ATP13A5: variants seen among roughly 807,000 people sequenced by gnomAD.
The protein encoded by ATP13A5 is probable cation-transporting ATPase 13A5.
In ATP13A5, 149 loss-of-function variants were observed where a neutral mutation model predicts 150.2. That is an observed-to-expected ratio of 0.99 (90% CI 0.87 to 1.14). The LOEUF (loss-of-function observed/expected upper bound fraction) is 1.14, where lower values mean the gene tolerates loss of function less well. Ranked by LOEUF, ATP13A5 falls within the 50% of genes most tolerant of loss-of-function variation. The pLI, the probability that ATP13A5 is intolerant of heterozygous loss-of-function variation, is 0.00. For synonymous variants in ATP13A5, 497 were observed against 522.2 expected, an observed-to-expected ratio of 0.95 and a Z score of 0.66; for missense variants, 1,383 against 1,449.3, an observed-to-expected ratio of 0.95 and a Z score of 0.74.
At position 193,345,051 on chromosome 3, in the gene ATP13A5, C is replaced by T. The variant is rs779044454; in HGVS notation, c.766G>A (p.Val256Met). ...ACCTGGACTTTGTTGTGGTCCTCCA[C>T]GAGGTTATGCAGCTTAACTGATTGC... The part of the protein sequence containing the change: ...RQQSVKLHNL[V>M]EDHNKVQVTI... The change falls in exon 8 of 30, where the codon GTG (valine) becomes ATG (methionine). Residue 256 changes from valine to methionine, a missense_variant. Around this residue, in one of 3 missense-constraint regions of ATP13A5, gnomAD observed 787 missense variants for 771.9 expected, o/e 1.02. Transcript: ENST00000342358. 21 of 1,613,682 alleles carry T rather than the reference C, an allele frequency of 1.3e-5. No homozygotes were observed. The highest frequency in any genetic ancestry group is 1.7e-4 in the Middle Eastern group (1 of 6,058).
In ATP13A5 at chr3:193,275,089, T is replaced by A. The variant is rs7428010; in HGVS notation, c.3610A>T (p.Lys1204Ter). ...SHEQIPKRKL[K>*]LGGQPTEQHF... is the part of the protein sequence containing the mutation. ...TGTTCTGTGGGTTGGCCTCCCAATT[T>A]GAGTTTTCTTTTTGGAATCTGTTCA... Residue 1204 changes from lysine to a stop codon, truncating the protein, a stop_gained, in exon 30 of 30, where the codon AAA becomes TAA. Transcript: ENST00000342358. LOFTEE classifies it high-confidence loss of function. The A allele has an allele frequency of 6.2e-7, 1 of 1,614,218 alleles. No homozygotes were observed.
chr3:193,353,673 C>T (rs937123673), intron 6 of ATP13A5, among the ~76,000 whole-genome samples: 13 of 152,194 alleles, frequency 8.5e-5, no homozygotes, highest in African/African-American at 3.1e-4. Flanking sequence ...CCAGACCTCT[C>T]TCTCCACCAT....
chr3:193,304,977 C>A (rs896222954), intron 23 of ATP13A5, among the ~76,000 whole-genome samples: 1 of 151,398 alleles, frequency 6.6e-6, no homozygotes, highest in Admixed American at 6.6e-5. Flanking sequence ...AACTCCCTCA[C>A]TATCATGAGA....
intron 1 of ATP13A5, among the ~76,000 whole-genome samples, chr3:193,376,572 A>G (rs1713652291): frequency 6.6e-6 from 1 of 152,100 alleles, no homozygotes; most frequent in Non-Finnish European, 1.5e-5. Context: ...GTACATGCGC[A>G]GGATGTGCAG....
chr3:193,371,387 A>C (rs563584086), intron 1 of ATP13A5, among the ~76,000 whole-genome samples: 1 of 152,314 alleles, frequency 6.6e-6, no homozygotes, highest in East Asian at 1.9e-4. Flanking sequence ...ATGGTGTATT[A>C]GTTTTCTGTT....
At chr3:193,377,704 G>T (rs1198676674) in intron 1 of ATP13A5, among the ~76,000 whole-genome samples, 2 of 152,200 alleles carry the variant, frequency 1.3e-5, no homozygotes, top group African/African-American at 4.8e-5. Flanking sequence ...CAGGATGCCA[G>T]CCAGGAAACT....
intron 16 of ATP13A5, among the ~76,000 whole-genome samples, chr3:193,319,551 G>A (rs534472342): frequency 7.2e-5 from 11 of 152,328 alleles, no homozygotes; most frequent in South Asian, 4.1e-4. Context: ...CGGGAACCAC[G>A]TTGGGCAACA....
In ATP13A5 at chr3:193,285,046, C is replaced by T; in HGVS notation, c.3094G>A (p.Ala1032Thr). 1 of 1,614,054 alleles carries T rather than the reference C, an allele frequency of 6.2e-7. No homozygotes were observed. Among genetic ancestry groups the T allele is most frequent in the Non-Finnish European group, 8.5e-7 (1 of 1,179,974 alleles). ...VSLERNWTGN[A>T]TLIPGSILSF... ...AAAATTGAACCAGGAATCAGAGTTG[C>T]ATTTCCAGTCCAGTTTCTTTCCAAA... Residue 1032 changes from alanine (A) to threonine (T), a missense_variant, in exon 27 of 30, where the codon GCA (alanine) becomes ACA (threonine). Transcript: ENST00000342358.
rs1718651005 is a variant in ATP13A5, at chr3:193,307,241, T to C, written c.2568+86A>G. 4 of 1,603,932 alleles carry C rather than the reference T, an allele frequency of 2.5e-6. No individual in the cohort carries two copies. In the Admixed American group the frequency reaches 6.8e-5, roughly 27 times the overall value. On this transcript the variant is annotated intron_variant, in intron 22 of 29. Coordinates refer to ENST00000342358, the MANE Select transcript of ATP13A5 (RefSeq NM_198505.4). ...AATCAAATGGTTGCTGGTGGAAGGA[T>C]GAAGAGACAAACCCCAGGAGAGCCT...
Position 193,289,987 on chromosome 3 carries a change from A to C in ATP13A5, c.2921T>G (p.Leu974Arg). 6.2e-7 allele frequency: 1 copy of C among 1,613,004 alleles called. No homozygotes were observed. Among genetic ancestry groups the C allele is most frequent in the Non-Finnish European group, 8.5e-7 (1 of 1,179,308 alleles). ...PAGQLLSPPL[L>R]LSIFLNSCFS... ...ACAGGAATTCAAAAATATTGAAAGC[A>C]GTAAAGGGGGAGAAAGGAGCTGTCC... The change falls in exon 26 of 30, where the codon CTG (leucine) becomes CGG (arginine). Residue 974 changes from leucine to arginine, a missense_variant. Physicochemically the swap from Leu to Arg is moderately radical, Grantham distance 102. Around this residue, in one of 3 missense-constraint regions of ATP13A5, gnomAD observed 568 missense variants for 621.5 expected, o/e 0.91. Transcript: ENST00000342358.
At chr3:193,343,836 C>A in intron 9 of ATP13A5, 91 bp downstream of exon 9, 1 of 1,437,816 alleles carries the variant, frequency 7.0e-7, no homozygotes, top group Non-Finnish European at 9.3e-7. Context: ...CTCTGAATAT[C>A]TTAGCAAGGG....
intron 17 of ATP13A5, among the ~76,000 whole-genome samples, chr3:193,315,360 A>T (rs1005846388): frequency 2.6e-5 from 4 of 152,146 alleles, no homozygotes; most frequent in African/African-American, 9.7e-5. Flanking sequence ...CTTATCTTCC[A>T]ACTCTTCTGT....
chr3:193,369,598 G>A (rs896765234), intron 1 of ATP13A5, among the ~76,000 whole-genome samples: 6 of 133,132 alleles, frequency 4.5e-5, no homozygotes, highest in Admixed American at 4.0e-4. Context: ...AGAAATGCAG[G>A]GTAGAGGAGA....
At chr3:193,290,774 T>C (rs192088299) in intron 25 of ATP13A5, among the ~76,000 whole-genome samples, 18 of 152,296 alleles carry the variant, frequency 1.2e-4, no homozygotes, top group Admixed American at 1.2e-3. Context: ...AGAACAACTA[T>C]TTTAAAAAGA....
chr3:193,372,313 G>GGC (rs1485917625), intron 1 of ATP13A5: 1 of 4,798 alleles, frequency 2.1e-4, no homozygotes, highest in African/African-American at 2.5e-3. Flanking sequence ...AAAAAAAAAA[G>GGC]GGGGAAGTTC....
At chr3:193,322,644 G>T (rs1719326665) in intron 14 of ATP13A5, 70 bp from the exon 15 acceptor site, 5 of 1,102,364 alleles carry the variant, frequency 4.5e-6, no homozygotes, top group African/African-American at 3.2e-5. Flanking sequence ...TCTCTTATTT[G>T]CACAATACTT....
chr3:193,287,592 G>GA (rs1272380731), intron 26 of ATP13A5, among the ~76,000 whole-genome samples: 2 of 151,826 alleles, frequency 1.3e-5, no homozygotes, highest in African/African-American at 2.4e-5. Flanking sequence ...CTACTGCTCA[G>GA]AAAAAAAAGA....
intron 11 of ATP13A5, 105 bp downstream of exon 11, chr3:193,333,645 T>G (rs1577355326): frequency 1.7e-6 from 2 of 1,166,912 alleles, no homozygotes; most frequent in African/African-American, 1.5e-5. Context: ...ACAGTAATGA[T>G]TCACAGAATG....
At chr3:193,309,227 G>A (rs1577340767) in intron 21 of ATP13A5, among the ~76,000 whole-genome samples, 1 of 152,180 alleles carries the variant, frequency 6.6e-6, no homozygotes, top group Admixed American at 6.5e-5. Flanking sequence ...GACTTTCCCT[G>A]CTGGGGCCAG....
Sources: allele counts gnomAD v4.1 joint callset (sites outside exome capture counted in the v4.1 genomes callset), GRCh38; gene constraint gnomAD v4.1.1; regional missense constraint gnomAD v4.1.1; transcripts MANE v1.5; gene names NCBI Gene and HGNC (gene_info 2026-07-23, HGNC 2026-07-21).